Variants in PEMT observed in about 807,000 individuals in gnomAD.
The protein encoded by PEMT is phospholipid methyltransferase.
A neutral mutation model predicts 27.4 loss-of-function variants in PEMT; 23 were observed. The observed-to-expected ratio is 0.84, with a 90% CI of 0.60 to 1.19. The LOEUF is 1.19. Ranked by LOEUF, PEMT falls within the 50% of genes most tolerant of loss-of-function variation. The probability of loss-of-function intolerance (pLI) is 0.00; values close to 1 mark genes in which losing one functional copy is unlikely to be tolerated. For missense variants in PEMT, 307 were observed against 310.1 expected (o/e 0.99, Z 0.07); for synonymous variants, 137 against 139.1 (o/e 0.98, Z 0.11).
At chr17:17,579,257 G>A (rs1911835122) in intron 1 of PEMT, among the ~76,000 whole-genome samples, 6 of 152,218 alleles carry the variant, frequency 3.9e-5, no homozygotes, top group Admixed American at 3.9e-4. Context: ...ACGTCTATCA[G>A]TATAAAGCCA....
Position 17,561,670 on chromosome 17 carries a change from C to A in PEMT, c.204+15250G>T, listed in dbSNP as rs1214601413. Reference sequence around the variant, plus strand: ...TACCAAGGCTCGGAGAAGCCAGGAACCTTGCCCAGGTCCGTCTTGCTATCA... The same window carrying A: ...TACCAAGGCTCGGAGAAGCCAGGAAACTTGCCCAGGTCCGTCTTGCTATCA... On this transcript the variant is annotated intron_variant, in intron 2 of 6. Coordinates refer to ENST00000255389, the MANE Select transcript of PEMT (RefSeq NM_148172.3). The surrounding 1 kb of genome is among the most constrained non-coding windows in gnomAD (Gnocchi z 4.5). Among the ~76,000 whole-genome samples the A allele has an allele frequency of 1.3e-5, 2 of 152,160 alleles. No homozygotes were observed. Among genetic ancestry groups the A allele is most frequent in the Non-Finnish European group, 2.9e-5 (2 of 68,018 alleles).
chr17:17,591,712 G>A, upstream of PEMT: 1 of 1,501,364 alleles, frequency 6.7e-7, no homozygotes, highest in South Asian at 1.3e-5. Context: ...GGTAAGTGCC[G>A]CCAGTCGGGG....
chr17:17,539,213 T>G (rs999183933), intron 2 of PEMT, among the ~76,000 whole-genome samples: 1 of 152,194 alleles, frequency 6.6e-6, no homozygotes, highest in African/African-American at 2.4e-5. Context: ...ACTGTTGGTC[T>G]TAAGCAATCC....
intron 3 of PEMT, among the ~76,000 whole-genome samples, chr17:17,519,458 A>G (rs1318327077): frequency 6.6e-6 from 1 of 152,204 alleles, no homozygotes; most frequent in Non-Finnish European, 1.5e-5. Flanking sequence ...ACCATCTGTA[A>G]GAAGCTGACT....
At position 17,505,643 on chromosome 17, in the gene PEMT, CCCAAGGCAGCAGGTT is replaced by C. The variant is rs1432719096; in HGVS notation, c.*133_*147del. 1.2e-6 allele frequency: 1 copy of C among 852,340 alleles called. No individual in the cohort carries two copies. The highest frequency in any genetic ancestry group is 1.7e-6 in the Non-Finnish European group (1 of 599,844). 52.8% of individuals were successfully genotyped at this position (852,340 alleles called of 1,614,324 possible). A position where few individuals can be genotyped will look rare whatever the true frequency, so the allele number is the denominator to read the frequency against. ...GCCATATGTCGGCACGTCCAGGGTC[CCCAAGGCAGCAGGTT>C]CCAAGGCACTGGGGCAGCCCACGCC... is the stretch of plus-strand genomic sequence containing the variant. On this transcript the variant is annotated 3_prime_UTR_variant, in exon 7 of 7. Transcript: ENST00000255389.
chr17:17,539,335 TC>T (rs1304057765), intron 2 of PEMT, among the ~76,000 whole-genome samples: 1 of 152,062 alleles, frequency 6.6e-6, no homozygotes. Context: ...ACACAGCACT[TC>T]CAGCCAGCTC....
rs753558318 is a variant in PEMT, at chr17:17,531,042, CAA to C, written c.205-8649_205-8648del. ...TGGGCGACAGAGTGAGACTCCGTCTCAAAAAAAAAAAAAAAAAAATCATTTTT... is the reference window on the plus strand; with the variant it reads ...TGGGCGACAGAGTGAGACTCCGTCTCAAAAAAAAAAAAAAAAATCATTTTT... On this transcript the variant is annotated intron_variant, in intron 2 of 6. Transcript: ENST00000255389. 6.7e-3 allele frequency among the ~76,000 whole-genome samples: 449 copies of C among 66,894 alleles called. 3 individuals are homozygous for C. The highest frequency in any genetic ancestry group is 0.017 in the African/African-American group (403 of 23,140). The allele number at this position is 66,894 out of a possible 152,430, so 43.9% of individuals were successfully genotyped here. A position where few individuals can be genotyped will look rare whatever the true frequency, so the allele number is the denominator to read the frequency against.
At chr17:17,526,157 A>G (rs75403885) in intron 2 of PEMT, among the ~76,000 whole-genome samples, 14,917 of 152,100 alleles carry the variant, frequency 0.098, 863 homozygotes, top group East Asian at 0.18. Context: ...CACCCTGGCA[A>G]GGAGTTCCCA....
In PEMT at chr17:17,586,754, G is replaced by A. The variant is rs151026428; in HGVS notation, c.96+4777C>T. 4.7e-3 allele frequency among the ~76,000 whole-genome samples: 717 copies of A among 152,236 alleles called. 2 individuals carry two copies. Among genetic ancestry groups the A allele is most frequent in the South Asian group, 0.024 (117 of 4,820 alleles). ...GCAGTGGCTCATGCCTATAATCCCAGTACTTTGGGAGGCTGAAGCAGGCAG... is the reference window on the plus strand; with the variant it reads ...GCAGTGGCTCATGCCTATAATCCCAATACTTTGGGAGGCTGAAGCAGGCAG... On this transcript the variant is annotated intron_variant, in intron 1 of 6. Transcript: ENST00000255389.
intron 2 of PEMT, among the ~76,000 whole-genome samples, chr17:17,545,834 G>A (rs537566973): frequency 6.6e-6 from 1 of 152,254 alleles, no homozygotes; most frequent in African/African-American, 2.4e-5. Context: ...GGAATCTAAG[G>A]GCTGATGTTT....
Position 17,522,346 on chromosome 17 carries a change from G to GA in PEMT, c.253dup (p.Ser85PhefsTer73). The stretch of plus-strand genomic sequence containing the variant: ...TAGAGAGTAGCAGGCCAGGTAGGGG[G>GA]ATCCGAAGGCCCTGCTCAGCTTGCG... On this transcript the variant is annotated frameshift_variant, in exon 3 of 7. Coordinates refer to ENST00000255389, the MANE Select transcript of PEMT (RefSeq NM_148172.3). LOFTEE classifies it high-confidence loss of function. The GA allele has an allele frequency of 6.2e-7, 1 of 1,613,860 alleles. No homozygotes were observed. The highest frequency in any genetic ancestry group is 8.5e-7 in the Non-Finnish European group (1 of 1,179,928).
intron 2 of PEMT, among the ~76,000 whole-genome samples, chr17:17,535,567 G>GAA (rs35903619): frequency 1.4e-5 from 2 of 141,470 alleles, no homozygotes; most frequent in Non-Finnish European, 1.6e-5. Context: ...TCCGTCTCAA[G>GAA]AAAAAAAAAA....
At chr17:17,534,895 CTATTTTATTTTATTT>C (rs71860290) in intron 2 of PEMT, among the ~76,000 whole-genome samples, 4,261 of 148,620 alleles carry the variant, frequency 0.029, 168 homozygotes, top group East Asian at 0.094. Flanking sequence ...CTCTATAAGG[CTATTTTATTTTATTT>C]TATTTTATTT....
chr17:17,558,113 G>A (rs1003380023), intron 2 of PEMT, among the ~76,000 whole-genome samples: 32 of 152,192 alleles, frequency 2.1e-4, no homozygotes, highest in African/African-American at 6.5e-4. Context: ...AGGGTGAGGC[G>A]GCAGAATCGC....
chr17:17,549,136 T>C (rs567623674), intron 2 of PEMT, among the ~76,000 whole-genome samples: 5 of 152,230 alleles, frequency 3.3e-5, no homozygotes, highest in East Asian at 1.9e-4. Flanking sequence ...GACTCCCAAA[T>C]AGCTGGGACT....
At chr17:17,527,449 C>T (rs1055537525) in intron 2 of PEMT, among the ~76,000 whole-genome samples, 1 of 152,236 alleles carries the variant, frequency 6.6e-6, no homozygotes, top group Non-Finnish European at 1.5e-5. Context: ...TCGTGGCTCC[C>T]AGCGCCAGGT....
chr17:17,506,926 C>T (rs764344156), intron 5 of PEMT: 7 of 535,232 alleles, frequency 1.3e-5, no homozygotes, highest in South Asian at 2.5e-5. Context: ...AGCAGCCCCA[C>T]GCCCAGGAGC....
At chr17:17,548,695 T>G (rs991374503) in intron 2 of PEMT, among the ~76,000 whole-genome samples, 18 of 152,098 alleles carry the variant, frequency 1.2e-4, no homozygotes, top group Admixed American at 3.3e-4. Context: ...ATTACAGGCA[T>G]GCACCACCAC....
At chr17:17,522,174 G>C (rs1019654979) in intron 3 of PEMT, 106 bp downstream of exon 3, 3 of 784,464 alleles carry the variant, frequency 3.8e-6, no homozygotes, top group Non-Finnish European at 6.5e-6. Context: ...TAACCCCTGA[G>C]TGCTCAGACA....
Sources: allele counts gnomAD v4.1 joint callset (sites outside exome capture counted in the v4.1 genomes callset), GRCh38; gene constraint gnomAD v4.1.1; non-coding constraint Gnocchi (gnomAD v3.1); transcripts MANE v1.5; gene names NCBI Gene and HGNC (gene_info 2026-07-23, HGNC 2026-07-21).